SYT1: variants seen among roughly 807,000 people sequenced by gnomAD.
SYT1 encodes synaptotagmin 1, also known as synaptotagmin-1.
In SYT1, 8 loss-of-function variants were observed where a neutral mutation model predicts 44.8. The observed-to-expected ratio is 0.18, with a 90% CI of 0.10 to 0.32. The LOEUF is 0.32. SYT1 is among the 10% of genes least tolerant of loss of function. The pLI, the probability that SYT1 is intolerant of heterozygous loss-of-function variation, is 1.00. For missense variants in SYT1, 286 were observed against 509.3 expected (o/e 0.56, Z 4.22); for synonymous variants, 154 against 188.8 (o/e 0.82, Z 1.51).
intron 3 of SYT1, among the ~76,000 whole-genome samples, chr12:79,132,674 CAAAAAAAAAAAAA>C (rs71091641): frequency 1.6e-4 from 7 of 43,718 alleles, no homozygotes; most frequent in African/African-American, 4.9e-4. Flanking sequence ...GGAGTTTTCT[CAAAAAAAAAAAAA>C]AAAAAAAAAA....
At chr12:79,269,279 T>C (rs937752893) in intron 4 of SYT1, among the ~76,000 whole-genome samples, 6 of 152,076 alleles carry the variant, frequency 3.9e-5, no homozygotes, top group Non-Finnish European at 8.8e-5. Context: ...CTCCATGAGC[T>C]TTATATATAT....
intron 1 of SYT1, among the ~76,000 whole-genome samples, chr12:78,954,733 A>G (rs552638023): frequency 3.2e-4 from 49 of 152,246 alleles, no homozygotes; most frequent in African/African-American, 1.1e-3. Context: ...AGGGAAAAAT[A>G]AAATATGTAA....
At chr12:79,213,009 AT>A (rs1311956392) in intron 3 of SYT1, among the ~76,000 whole-genome samples, 10 of 152,224 alleles carry the variant, frequency 6.6e-5, no homozygotes, top group Non-Finnish European at 1.2e-4. Context: ...AATCATTAGT[AT>A]TAGCCCCTTT....
intron 4 of SYT1, among the ~76,000 whole-genome samples, chr12:79,276,889 C>A (rs1448975896): frequency 7.1e-6 from 1 of 139,948 alleles, no homozygotes; most frequent in African/African-American, 2.7e-5. Context: ...CATAAAATGT[C>A]AAAACCTAAC....
chr12:78,987,079 G>A (rs1399948964), intron 2 of SYT1, among the ~76,000 whole-genome samples: 1 of 152,002 alleles, frequency 6.6e-6, no homozygotes, highest in African/African-American at 2.4e-5. Context: ...AATTTCAGAT[G>A]CTTCCATCGT....
intron 3 of SYT1, among the ~76,000 whole-genome samples, chr12:79,212,714 C>T (rs1005281851): frequency 1.3e-5 from 2 of 151,992 alleles, no homozygotes; most frequent in African/African-American, 4.8e-5. Flanking sequence ...TTGTGTCTTC[C>T]ATTTACTGGC....
intron 9 of SYT1, among the ~76,000 whole-genome samples, chr12:79,411,385 T>G (rs2136134944): frequency 6.6e-6 from 1 of 152,258 alleles, no homozygotes; most frequent in East Asian, 1.9e-4. Context: ...ATGTAGTCTT[T>G]TATTGTAGGT....
intron 2 of SYT1, among the ~76,000 whole-genome samples, chr12:79,013,811 T>A (rs1871586908): frequency 6.6e-6 from 1 of 152,122 alleles, no homozygotes; most frequent in Admixed American, 6.5e-5. Context: ...CAAGATTCTA[T>A]CATTATGTCC....
chr12:79,355,520 A>G (rs528792648), intron 9 of SYT1, among the ~76,000 whole-genome samples: 43 of 152,302 alleles, frequency 2.8e-4, no homozygotes, highest in Non-Finnish European at 4.7e-4. Context: ...ATATCCTGAA[A>G]AGCCCTAATT....
rs1329203619 is a variant in SYT1 at position 79,450,960 on chromosome 12, T to G, written c.*1836T>G. ...ACAAGACAGTAGTGATGCTCTGAAA[T>G]GAAAGTTTGTCTTCACAAATATCAA... On this transcript the variant is annotated 3_prime_UTR_variant, in exon 11 of 11. Transcript: ENST00000261205. 6.6e-6 allele frequency: 1 copy of G among 152,644 alleles called. No homozygotes were observed. The highest frequency in any genetic ancestry group is 2.4e-5 in the African/African-American group (1 of 41,468). The allele number at this position is 152,644 out of a possible 1,614,324, so 9.5% of individuals were successfully genotyped here.
At chr12:79,145,052 GAAC>G (rs1869790884) in intron 3 of SYT1, among the ~76,000 whole-genome samples, 1 of 152,046 alleles carries the variant, frequency 6.6e-6, no homozygotes, top group African/African-American at 2.4e-5. Flanking sequence ...AGAAAATAAA[GAAC>G]ATCACTTTAC....
chr12:79,014,348 G>T (rs892569462), intron 2 of SYT1, among the ~76,000 whole-genome samples: 4 of 152,010 alleles, frequency 2.6e-5, no homozygotes, highest in African/African-American at 9.7e-5. Context: ...ATAATGTTTA[G>T]AATTCTTCCC....
At position 79,051,322 on chromosome 12, in the gene SYT1, A is replaced by G. The variant is rs1457644697; in HGVS notation, c.-18+3960A>G. ...GTATAACCTTTATAAATAAATATAT[A>G]TATACATATATATGTATCTCCACTA... is the stretch of plus-strand genomic sequence containing the variant. On this transcript the variant is annotated intron_variant, in intron 3 of 10. Transcript: ENST00000261205. Among the ~76,000 whole-genome samples the G allele has an allele frequency of 4.7e-5, 7 of 150,070 alleles. No individual in the cohort carries two copies. In the East Asian group the frequency reaches 1.4e-3, roughly 29 times the overall value.
At chr12:78,983,316 C>T (rs2137449113) in intron 2 of SYT1, among the ~76,000 whole-genome samples, 1 of 152,150 alleles carries the variant, frequency 6.6e-6, no homozygotes, top group South Asian at 2.1e-4. Flanking sequence ...CAGAGTGGCT[C>T]CAATGTGGCC....
chr12:78,979,953 T>C (rs1470889271), intron 2 of SYT1, among the ~76,000 whole-genome samples: 2 of 152,138 alleles, frequency 1.3e-5, no homozygotes, highest in African/African-American at 4.8e-5. Context: ...CCGATCTTTT[T>C]GTTAAGGTTT....
intron 3 of SYT1, among the ~76,000 whole-genome samples, chr12:79,129,627 C>T (rs1428506198): frequency 6.6e-6 from 1 of 152,152 alleles, no homozygotes; most frequent in Non-Finnish European, 1.5e-5. Flanking sequence ...ATTTTAACCC[C>T]ACTAAGTATG....
rs542303679 is a variant in SYT1 at position 79,267,728 on chromosome 12, G to T, written c.167-18059G>T. On this transcript the variant is annotated intron_variant, in intron 4 of 10. Coordinates refer to ENST00000261205, the MANE Select transcript of SYT1 (RefSeq NM_005639.3). ...GCCTTCACCTCTGCCAACTTACCTG[G>T]CATCCTTTACGTTTACCAGCGCACT... 4.6e-5 allele frequency among the ~76,000 whole-genome samples: 7 copies of T among 152,222 alleles called. No homozygotes were observed. In the South Asian group the frequency reaches 1.2e-3, roughly 27 times the overall value.
At position 79,217,539 on chromosome 12, in the gene SYT1, A is replaced by T; in HGVS notation, c.20A>T (p.His7Leu). The change falls in exon 4 of 11, where the codon CAT (histidine) becomes CTT (leucine). Residue 7 changes from histidine to leucine, a missense_variant. Physicochemically the swap from His to Leu is moderately conservative, Grantham distance 99. Transcript: ENST00000261205. MVSESH[H>L]EALAAPPVTT... Reference sequence around the variant, plus strand: ...CCTAAAATGGTGAGCGAGAGTCACCATGAGGCCCTGGCAGCCCCGCCTGTC... The same window carrying T: ...CCTAAAATGGTGAGCGAGAGTCACCTTGAGGCCCTGGCAGCCCCGCCTGTC... The T allele has an allele frequency of 3.1e-6, 5 of 1,600,788 alleles. No individual in the cohort carries two copies. Among genetic ancestry groups the T allele is most frequent in the Non-Finnish European group, 4.3e-6 (5 of 1,174,166 alleles).
intron 3 of SYT1, among the ~76,000 whole-genome samples, chr12:79,088,738 CTGTG>C (rs571903732): frequency 0.038 from 5,243 of 137,154 alleles, 122 homozygotes; most frequent in African/African-American, 0.073. Flanking sequence ...GGCTTTGGGC[CTGTG>C]TGTGTGTGTG....
Sources: gnomAD v4.1 joint callset for allele counts (sites outside exome capture counted in the v4.1 genomes callset) on GRCh38, gnomAD v4.1.1 for gene constraint, MANE v1.5 for transcripts, NCBI Gene and HGNC (gene_info 2026-07-23, HGNC 2026-07-21) for gene names.